Variants in HACL1 observed in about 807,000 individuals in gnomAD.
HACL1 encodes the protein 2-hydroxyacyl-CoA lyase 1.
In HACL1, 64 loss-of-function variants were observed where a neutral mutation model predicts 74.2. That is an observed-to-expected ratio of 0.86 (90% confidence interval 0.70 to 1.06). HACL1 has a LOEUF of 1.06. Ranked by LOEUF, HACL1 falls within the 50% of genes least tolerant of loss-of-function variation. The probability of loss-of-function intolerance (pLI) is 0.00; values close to 1 mark genes in which losing one functional copy is unlikely to be tolerated. For missense variants in HACL1, 728 were observed against 719.7 expected, an observed-to-expected ratio of 1.01 and a Z score of -0.13; for synonymous variants, 230 against 238.8, an observed-to-expected ratio of 0.96 and a Z score of 0.34.
Position 15,571,460 on chromosome 3 carries a change from TA to T in HACL1, c.1095+207del, listed in dbSNP as rs1249846172. ...ATATTTCTTAACCATTTAACACGTT[TA>T]AAACATTAGGTTCTTATCTTATTTT... On this transcript the variant is annotated intron_variant, in intron 12 of 16. Transcript: ENST00000321169. 3.3e-5 allele frequency among the ~76,000 whole-genome samples: 5 copies of T among 152,346 alleles called. No homozygotes were observed. The South Asian group carries it at 1.0e-3, about 32-fold the overall frequency.
At chr3:15,590,293 A>T (rs1337689486) in intron 4 of HACL1, among the ~76,000 whole-genome samples, 1 of 152,106 alleles carries the variant, frequency 6.6e-6, no homozygotes, top group Non-Finnish European at 1.5e-5. Flanking sequence ...ATTGCAAAAT[A>T]AGTGACATTC....
At chr3:15,593,351 C>A in intron 3 of HACL1, among the ~76,000 whole-genome samples, 1 of 151,728 alleles carries the variant, frequency 6.6e-6, no homozygotes, top group East Asian at 1.9e-4. Context: ...GTAACCGGGA[C>A]TACAGGCAGA....
chr3:15,577,283 G>C (rs188414104), intron 9 of HACL1, among the ~76,000 whole-genome samples: 15 of 152,100 alleles, frequency 9.9e-5, no homozygotes, highest in Admixed American at 9.2e-4. Flanking sequence ...CTAGGGGTCT[G>C]AGTCCAGCCT....
At chr3:15,594,310 G>C (rs1262672697) in intron 3 of HACL1, among the ~76,000 whole-genome samples, 1 of 152,176 alleles carries the variant, frequency 6.6e-6, no homozygotes, top group Non-Finnish European at 1.5e-5. Flanking sequence ...GGAGGCTGAG[G>C]CAGGAGAATC....
chr3:15,595,349 GA>G (rs966121249), intron 3 of HACL1, among the ~76,000 whole-genome samples: 3 of 151,524 alleles, frequency 2.0e-5, no homozygotes, highest in African/African-American at 4.9e-5. Flanking sequence ...CCTTATCACA[GA>G]AAAAAAACTA....
intron 9 of HACL1, among the ~76,000 whole-genome samples, chr3:15,578,389 T>C (rs1008691333): frequency 3.3e-5 from 5 of 152,024 alleles, no homozygotes; most frequent in Non-Finnish European, 4.4e-5. Context: ...GCCTTAAAAA[T>C]CTAAAAAGAG....
Position 15,568,436 on chromosome 3 carries a change from G to A in HACL1, c.1246C>T (p.His416Tyr), listed in dbSNP as rs753033322. The change falls in exon 13 of 17, where the codon CAC becomes TAC. Residue 416 changes from histidine to tyrosine, a missense_variant. Transcript: ENST00000321169. ...RTVLQNYLPRHRLDAGTFGTM... is the reference protein window; with the variant it reads ...RTVLQNYLPRYRLDAGTFGTM... ...TTTCTTCTTTAGAAGTCTTACCTGT[G>A]ACGAGGAAGGTAGTTCTGAAGCACA... 6.3e-7 allele frequency: 1 copy of A among 1,577,266 alleles called. No homozygotes were observed. The highest frequency in any genetic ancestry group is 8.6e-7 in the Non-Finnish European group (1 of 1,158,478).
intron 6 of HACL1, 37 bp downstream of exon 6, chr3:15,586,488 T>A (rs1393175829): frequency 2.7e-6 from 3 of 1,099,520 alleles, no homozygotes; most frequent in Non-Finnish European, 4.2e-6. Context: ...CTGAGAAAAA[T>A]CAGTTGACTT....
chr3:15,569,854 G>C (rs1453850396), intron 12 of HACL1, among the ~76,000 whole-genome samples: 1 of 151,512 alleles, frequency 6.6e-6, no homozygotes, highest in Non-Finnish European at 1.5e-5. Context: ...GCCAGGCATG[G>C]TGCCAGCTAC....
intron 4 of HACL1, among the ~76,000 whole-genome samples, chr3:15,589,841 C>A (rs966258615): frequency 2.6e-5 from 4 of 152,106 alleles, no homozygotes; most frequent in Non-Finnish European, 5.9e-5. Context: ...TCAAGACCAG[C>A]ATGGCCAACA....
chr3:15,591,468 T>C (rs758297893), intron 4 of HACL1, 132 bp downstream of exon 4: 4 of 537,014 alleles, frequency 7.4e-6, no homozygotes, highest in Admixed American at 3.2e-5. Context: ...CTAACTCTAC[T>C]TTCAGTTTCT....
intron 2 of HACL1, among the ~76,000 whole-genome samples, chr3:15,599,510 TAAA>T (rs59029536): frequency 6.9e-6 from 1 of 145,056 alleles, no homozygotes. Context: ...TGCCTACTGT[TAAA>T]AAAAAAAAAA....
chr3:15,593,320 C>G lies in HACL1; in HGVS notation c.228-1640G>C, dbSNP rs114036332. Among the ~76,000 whole-genome samples, 530 of 151,838 alleles carry G rather than the reference C, an allele frequency of 3.5e-3. 4 individuals are homozygous for G. The highest frequency in any genetic ancestry group is 0.012 in the African/African-American group (504 of 41,402). ...CCTCAACCTCCTAAGCTCAGGTGATCTTCCCACCACAGCCTCCCAAGTAAC... is the reference window on the plus strand; with the variant it reads ...CCTCAACCTCCTAAGCTCAGGTGATGTTCCCACCACAGCCTCCCAAGTAAC... On this transcript the variant is annotated intron_variant, in intron 3 of 16. Coordinates refer to ENST00000321169, the MANE Select transcript of HACL1 (RefSeq NM_012260.4).
At chr3:15,561,182 G>C (rs1463539782) in intron 16 of HACL1, among the ~76,000 whole-genome samples, 3 of 152,240 alleles carry the variant, frequency 2.0e-5, no homozygotes, top group Admixed American at 6.5e-5. Flanking sequence ...CACTCAGAAG[G>C]AGAAGGGAGA....
intron 14 of HACL1, 31 bp downstream of exon 14, chr3:15,567,813 T>C: frequency 6.3e-7 from 1 of 1,596,980 alleles, no homozygotes; most frequent in Non-Finnish European, 8.6e-7. Context: ...TTCTAGAGAA[T>C]CAAATGCTCT....
intron 9 of HACL1, among the ~76,000 whole-genome samples, chr3:15,577,410 G>T (rs2063645963): frequency 6.6e-6 from 1 of 151,386 alleles, no homozygotes; most frequent in Non-Finnish European, 1.5e-5. Flanking sequence ...ATAAACTACA[G>T]AAAGGGAAGC....
chr3:15,563,232 A>C (rs1228042918), intron 16 of HACL1, 126 bp downstream of exon 16: 5 of 650,828 alleles, frequency 7.7e-6, no homozygotes, highest in Non-Finnish European at 1.3e-5. Flanking sequence ...TGAAACTGCC[A>C]AACTCAGAAA....
intron 6 of HACL1, among the ~76,000 whole-genome samples, chr3:15,586,113 T>C (rs1299680446): frequency 6.6e-6 from 1 of 152,196 alleles, no homozygotes; most frequent in African/African-American, 2.4e-5. Context: ...CTGAAAAGCA[T>C]TTCAGGTAAG....
In HACL1 at chr3:15,601,374, C is replaced by G. The variant is rs1466047910; in HGVS notation, c.81+9G>C. On this transcript the variant is annotated intron_variant, in intron 1 of 16. Coordinates refer to ENST00000321169, the MANE Select transcript of HACL1 (RefSeq NM_012260.4). ...TAGGAGCCTTTCATTCCAGGAAGGTCCATCGTACTTGCGTTTTCAGGGCCT... is the reference window on the plus strand; with the variant it reads ...TAGGAGCCTTTCATTCCAGGAAGGTGCATCGTACTTGCGTTTTCAGGGCCT... 2 of 1,614,104 alleles carry G rather than the reference C, an allele frequency of 1.2e-6. No homozygotes were observed. The highest frequency in any genetic ancestry group is 1.7e-6 in the Non-Finnish European group (2 of 1,180,012).
Sources: gnomAD v4.1 joint callset for allele counts (sites outside exome capture counted in the v4.1 genomes callset) on GRCh38, gnomAD v4.1.1 for gene constraint, MANE v1.5 for transcripts, NCBI Gene and HGNC (gene_info 2026-07-23, HGNC 2026-07-21) for gene names.